HGD: variants seen among roughly 807,000 people sequenced by gnomAD.
HGD encodes the protein homogentisate 1,2-dioxygenase, also known as homogentisate oxidase.
In HGD, 61 loss-of-function variants were observed where a neutral mutation model predicts 60.8. The observed-to-expected ratio is 1.00, with a 90% CI of 0.82 to 1.24. HGD has a LOEUF of 1.24. HGD is among the 50% of genes most tolerant of loss of function. The pLI, the probability that HGD is intolerant of heterozygous loss-of-function variation, is 0.00. For missense variants in HGD, 542 were observed against 547.1 expected (o/e 0.99, Z 0.09); for synonymous variants, 212 against 187.7 (o/e 1.13, Z -1.06).
At chr3:120,650,984 G>A (rs1276310717) in intron 5 of HGD, 119 bp from the exon 6 acceptor site, 6 of 821,920 alleles carry the variant, frequency 7.3e-6, no homozygotes, top group Middle Eastern at 3.2e-4. Flanking sequence ...CTTTGGGACC[G>A]GTGGGACGTT....
At chr3:120,674,787 A>C (rs147202203) in intron 3 of HGD, 114 bp downstream of exon 3, 20,875 of 753,388 alleles carry the variant, frequency 0.028, 360 homozygotes, top group Middle Eastern at 0.052. Flanking sequence ...ATAGCCTATA[A>C]GAAGCAGGAT....
At chr3:120,674,524 C>T (rs560451136) in intron 3 of HGD, 1 of 258,716 alleles carries the variant, frequency 3.9e-6, no homozygotes, top group Non-Finnish European at 7.7e-6. Flanking sequence ...TGCTCTGAAT[C>T]TTCCATAATT....
At chr3:120,647,204 T>TA in intron 7 of HGD, 152 bp from the exon 8 acceptor site, 1 of 705,348 alleles carries the variant, frequency 1.4e-6, no homozygotes, top group Admixed American at 2.1e-5. Context: ...TTCTGACAAC[T>TA]TAGATTAGCT....
At chr3:120,637,114 T>G (rs889921585) in intron 12 of HGD, among the ~76,000 whole-genome samples, 1 of 152,206 alleles carries the variant, frequency 6.6e-6, no homozygotes, top group Non-Finnish European at 1.5e-5. Context: ...TTCTTGTTGA[T>G]GCATTCACTT....
chr3:120,655,958 T>C (rs1003618619), intron 4 of HGD, among the ~76,000 whole-genome samples: 4 of 152,252 alleles, frequency 2.6e-5, no homozygotes, highest in African/African-American at 9.6e-5. Context: ...GTCCTTGATA[T>C]GCACTAAATT....
intron 4 of HGD, among the ~76,000 whole-genome samples, chr3:120,656,979 T>A (rs1232852313): frequency 1.3e-5 from 2 of 152,232 alleles, no homozygotes; most frequent in African/African-American, 2.4e-5. Context: ...TCCTTTCTTT[T>A]TTAAAAAACT....
rs1018678656 is a variant in HGD, at chr3:120,640,130, AAAGG to A, written c.879+1455_879+1458del. On this transcript the variant is annotated intron_variant, in intron 11 of 13. Transcript: ENST00000283871. ...CAGAAAGAAAGAAAAAGAGAGAGAGAAAGGAAGGAAGGAAGGAAAGAAGGAAGGA... is the reference window on the plus strand; with the variant it reads ...CAGAAAGAAAGAAAAAGAGAGAGAGAAAGGAAGGAAGGAAAGAAGGAAGGA... 8.1e-5 allele frequency among the ~76,000 whole-genome samples: 12 copies of A among 148,986 alleles called. 1 individual carries two copies. In the South Asian group the frequency reaches 1.1e-3, roughly 13 times the overall value.
chr3:120,669,483 A>ACCCC (rs1707977753), intron 4 of HGD, among the ~76,000 whole-genome samples: 1 of 148,470 alleles, frequency 6.7e-6, no homozygotes, highest in African/African-American at 2.5e-5. Flanking sequence ...ACACACACAC[A>ACCCC]CACGCAGACT....
chr3:120,652,195 C>T (rs982711626), intron 5 of HGD, among the ~76,000 whole-genome samples: 18 of 151,782 alleles, frequency 1.2e-4, no homozygotes, highest in Admixed American at 7.9e-4. Context: ...GTATTTTTAT[C>T]GTTATATTTC....
chr3:120,629,681 G>C (rs1456725435), intron 13 of HGD, among the ~76,000 whole-genome samples: 1 of 152,152 alleles, frequency 6.6e-6, no homozygotes, highest in Non-Finnish European at 1.5e-5. Flanking sequence ...ATACTGAATG[G>C]GGAAAAGCTG....
intron 1 of HGD, among the ~76,000 whole-genome samples, chr3:120,681,260 C>G (rs1185836276): frequency 6.6e-6 from 1 of 152,212 alleles, no homozygotes; most frequent in African/African-American, 2.4e-5. Flanking sequence ...AGGTTCTGGG[C>G]AGTTCTGTTC....
intron 12 of HGD, among the ~76,000 whole-genome samples, chr3:120,634,276 A>C (rs1940687708): frequency 1.3e-5 from 2 of 152,340 alleles, no homozygotes; most frequent in South Asian, 4.1e-4. Flanking sequence ...TGCTTTCTAG[A>C]GTCACACAAA....
intron 12 of HGD, among the ~76,000 whole-genome samples, chr3:120,635,955 A>G (rs968037207): frequency 6.6e-6 from 1 of 152,010 alleles, no homozygotes; most frequent in African/African-American, 2.4e-5. Context: ...CTTCATCAGA[A>G]TCCCCTGACT....
chr3:120,675,147 C>A (rs187610642), intron 2 of HGD, among the ~76,000 whole-genome samples, 158 bp from the exon 3 acceptor site: 1 of 152,008 alleles, frequency 6.6e-6, no homozygotes, highest in Non-Finnish European at 1.5e-5. Flanking sequence ...ATGTGACTTG[C>A]CCCCCGATTA....
chr3:120,638,233 C>T (rs1260153987), intron 12 of HGD, among the ~76,000 whole-genome samples: 1 of 152,160 alleles, frequency 6.6e-6, no homozygotes, highest in Admixed American at 6.5e-5. Flanking sequence ...ATTAAGTAGC[C>T]TCAGGTATTC....
intron 1 of HGD, 81 bp downstream of exon 1, chr3:120,682,016 C>A (rs2107566451): frequency 7.4e-7 from 1 of 1,349,408 alleles, no homozygotes; most frequent in East Asian, 2.3e-5. Context: ...TCTTTTCCAA[C>A]TCTGATACCC....
At chr3:120,656,848 G>A (rs1941513829) in intron 4 of HGD, among the ~76,000 whole-genome samples, 1 of 152,200 alleles carries the variant, frequency 6.6e-6, no homozygotes, top group South Asian at 2.1e-4. Context: ...CACTGTGCCT[G>A]GACCGTGAGA....
intron 4 of HGD, among the ~76,000 whole-genome samples, chr3:120,658,274 G>A (rs2081312): frequency 0.24 from 36,683 of 152,168 alleles, 4,753 homozygotes; most frequent in Non-Finnish European, 0.3. Flanking sequence ...AAGATACAAT[G>A]GGGGTATAGA....
chr3:120,667,498 T>A (rs947144561), intron 4 of HGD, among the ~76,000 whole-genome samples: 2 of 151,980 alleles, frequency 1.3e-5, no homozygotes, highest in Admixed American at 1.3e-4. Context: ...ATAATAAAGG[T>A]ATATTACTGA....
Sources: gnomAD v4.1 joint callset for allele counts (sites outside exome capture counted in the v4.1 genomes callset) on GRCh38, gnomAD v4.1.1 for gene constraint, MANE v1.5 for transcripts, NCBI Gene and HGNC (gene_info 2026-07-23, HGNC 2026-07-21) for gene names.